The following KIAA1958 variants were observed in gnomAD, a reference collection of about 807,000 sequenced individuals.
KIAA1958 encodes uncharacterized protein KIAA1958.
Under a neutral mutation model 47.2 loss-of-function variants are expected in KIAA1958, and 14 were observed. The observed-to-expected ratio is 0.30, with a 90% CI of 0.20 to 0.46. KIAA1958 has a LOEUF of 0.46. KIAA1958 is among the 20% of genes least tolerant of loss of function. The pLI is 1.00. For missense variants in KIAA1958, 803 were observed against 909.2 expected (o/e 0.88, Z 1.50); for synonymous variants, 354 against 353.3 (o/e 1.00, Z -0.02).
intron 1 of KIAA1958, among the ~76,000 whole-genome samples, chr9:112,518,452 A>G (rs946606372): frequency 6.6e-6 from 1 of 152,256 alleles, no homozygotes; most frequent in Non-Finnish European, 1.5e-5. Context: ...TGGGTGAAAG[A>G]AGCCAGGTCA....
chr9:112,632,367 T>C (rs1420389101), intron 2 of KIAA1958, among the ~76,000 whole-genome samples: 1 of 152,128 alleles, frequency 6.6e-6, no homozygotes, highest in Non-Finnish European at 1.5e-5. Context: ...TATTTAATTA[T>C]TCATCTCCTA....
chr9:112,620,940 A>G (rs1277481813), intron 2 of KIAA1958, among the ~76,000 whole-genome samples: 1 of 152,188 alleles, frequency 6.6e-6, no homozygotes, highest in Non-Finnish European at 1.5e-5. Context: ...ATTTATTTCT[A>G]TATATATTAA....
At chr9:112,525,760 C>G (rs1834627779) in intron 1 of KIAA1958, among the ~76,000 whole-genome samples, 1 of 151,490 alleles carries the variant, frequency 6.6e-6, no homozygotes, top group Non-Finnish European at 1.5e-5. Context: ...ATTATTGTTA[C>G]TGTTTTGCAT....
intron 2 of KIAA1958, among the ~76,000 whole-genome samples, chr9:112,577,447 A>G (rs1835664705): frequency 6.6e-6 from 1 of 151,914 alleles, no homozygotes; most frequent in Non-Finnish European, 1.5e-5. Flanking sequence ...CTCTTGATAT[A>G]TGTAGGATAT....
At chr9:112,557,443 C>T (rs1436293068) in intron 1 of KIAA1958, among the ~76,000 whole-genome samples, 3 of 152,228 alleles carry the variant, frequency 2.0e-5, no homozygotes, top group Admixed American at 1.3e-4. Context: ...GTGTAATGAT[C>T]TCTCAAATCC....
chr9:112,516,338 A>G (rs1203826805), intron 1 of KIAA1958, among the ~76,000 whole-genome samples: 1 of 152,228 alleles, frequency 6.6e-6, no homozygotes, highest in African/African-American at 2.4e-5. Flanking sequence ...GAACATTGAC[A>G]TTTAAAAATA....
intron 2 of KIAA1958, among the ~76,000 whole-genome samples, chr9:112,630,733 C>T (rs1450813894): frequency 6.6e-6 from 1 of 152,184 alleles, no homozygotes; most frequent in African/African-American, 2.4e-5. Context: ...GTTAAAACAT[C>T]TGAAAATACA....
chr9:112,638,632 G>A (rs888552474), intron 2 of KIAA1958, among the ~76,000 whole-genome samples: 10 of 152,126 alleles, frequency 6.6e-5, no homozygotes, highest in African/African-American at 1.9e-4. Flanking sequence ...GGAATCTGTA[G>A]ACTGAGGTAT....
chr9:112,591,934 C>T (rs986129365), intron 2 of KIAA1958, among the ~76,000 whole-genome samples: 3 of 152,156 alleles, frequency 2.0e-5, no homozygotes, highest in African/African-American at 7.2e-5. Context: ...GGTGATCTCA[C>T]GCTTGGACAA....
At chr9:112,612,150 G>A (rs1384578148) in intron 2 of KIAA1958, among the ~76,000 whole-genome samples, 1 of 152,148 alleles carries the variant, frequency 6.6e-6, no homozygotes, top group Non-Finnish European at 1.5e-5. Context: ...GCTCACACCT[G>A]TAATCCCAAT....
chr9:112,591,672 C>T (rs1229424685), intron 2 of KIAA1958, among the ~76,000 whole-genome samples: 1 of 151,588 alleles, frequency 6.6e-6, no homozygotes, highest in Non-Finnish European at 1.5e-5. Context: ...ATTGGAGGAT[C>T]GCTTGAGCCC....
chr9:112,566,750 A>G (rs796466489), intron 1 of KIAA1958, among the ~76,000 whole-genome samples: 1 of 152,048 alleles, frequency 6.6e-6, no homozygotes. Flanking sequence ...TATGATGTCA[A>G]ATCAGGAGGA....
At chr9:112,575,875 C>G (rs1258963873) in intron 2 of KIAA1958, among the ~76,000 whole-genome samples, 1 of 152,152 alleles carries the variant, frequency 6.6e-6, no homozygotes, top group Non-Finnish European at 1.5e-5. Flanking sequence ...TTGTACGAGG[C>G]CCCTGCACCT....
chr9:112,648,189 A>G (rs2131245303), intron 3 of KIAA1958, among the ~76,000 whole-genome samples: 1 of 152,334 alleles, frequency 6.6e-6, no homozygotes, highest in Admixed American at 6.5e-5. Flanking sequence ...GTGACCTCCA[A>G]GAGACAGCAA....
At chr9:112,501,409 T>A (rs1385117226) in intron 1 of KIAA1958, among the ~76,000 whole-genome samples, 1 of 151,956 alleles carries the variant, frequency 6.6e-6, no homozygotes, top group East Asian at 1.9e-4. Context: ...CGCCGCTGCA[T>A]TCTAGACTCG....
intron 1 of KIAA1958, among the ~76,000 whole-genome samples, chr9:112,523,465 T>TAAAG (rs1800415938): frequency 1.3e-5 from 2 of 151,676 alleles, no homozygotes; most frequent in African/African-American, 4.8e-5. Flanking sequence ...AATAAATAAA[T>TAAAG]AAAGCACCAA....
intron 1 of KIAA1958, among the ~76,000 whole-genome samples, chr9:112,547,996 ATCTTTTTTTTT>A: frequency 9.4e-6 from 1 of 105,832 alleles, no homozygotes; most frequent in South Asian, 3.4e-4. Context: ...CAGTCAGAAA[ATCTTTTTTTTT>A]TTTTTTTTTT....
intron 1 of KIAA1958, among the ~76,000 whole-genome samples, chr9:112,508,492 C>T (rs1328606006): frequency 6.6e-6 from 1 of 152,192 alleles, no homozygotes; most frequent in Non-Finnish European, 1.5e-5. Flanking sequence ...GATGATGGCA[C>T]ATTGTTGGAA....
At chr9:112,549,784 T>G (rs1835109355) in intron 1 of KIAA1958, among the ~76,000 whole-genome samples, 1 of 152,184 alleles carries the variant, frequency 6.6e-6, no homozygotes, top group African/African-American at 2.4e-5. Flanking sequence ...GAGACATTTT[T>G]GGTTGTCACG....
Sources: allele counts gnomAD v4.1 joint callset (sites outside exome capture counted in the v4.1 genomes callset), GRCh38; gene constraint gnomAD v4.1.1; transcripts MANE v1.5; gene names NCBI Gene and HGNC (gene_info 2026-07-23, HGNC 2026-07-21).